Variants in TRAPPC3L observed in about 807,000 individuals in gnomAD.
TRAPPC3L encodes the protein trafficking protein particle complex subunit 3L.
TRAPPC3L carries 23 observed loss-of-function variants against 23.7 expected under a neutral mutation model. The observed-to-expected ratio is 0.97, with a 90% confidence interval of 0.70 to 1.37. The LOEUF (loss-of-function observed/expected upper bound fraction) is 1.37, where lower values mean the gene tolerates loss of function less well. Among genes scored for constraint, TRAPPC3L ranks in the 40% most tolerant of loss-of-function variants. The pLI is 0.00. For missense variants in TRAPPC3L, 212 were observed against 216.8 expected (o/e 0.98, Z 0.14); for synonymous variants, 81 against 77.9 (o/e 1.04, Z -0.21).
chr6:116,529,314 T>C (rs1009665045), intron 3 of TRAPPC3L: 1 of 152,244 alleles, frequency 6.6e-6, no homozygotes, highest in Non-Finnish European at 1.5e-5. Flanking sequence ...AGCTAATTTC[T>C]CAAATATCTA....
intron 2 of TRAPPC3L, among the ~76,000 whole-genome samples, chr6:116,542,258 T>C (rs1369784324): frequency 6.6e-6 from 1 of 152,126 alleles, no homozygotes; most frequent in Non-Finnish European, 1.5e-5. Flanking sequence ...TGGGCAGTTC[T>C]CTTCTTTGCG....
At chr6:116,526,222 A>G (rs1398539208) in intron 3 of TRAPPC3L, among the ~76,000 whole-genome samples, 2 of 152,238 alleles carry the variant, frequency 1.3e-5, no homozygotes, top group Non-Finnish European at 2.9e-5. Context: ...AAACTGTTCC[A>G]CTTTGATCAT....
At chr6:116,515,497 C>A (rs1772203824) in intron 3 of TRAPPC3L, 1 of 1,238,728 alleles carries the variant, frequency 8.1e-7, no homozygotes, top group Non-Finnish European at 1.1e-6. Flanking sequence ...TGAGGTATGT[C>A]AAAGACTGTG....
At chr6:116,514,818 T>C (rs1333461868) in intron 3 of TRAPPC3L, among the ~76,000 whole-genome samples, 1 of 152,230 alleles carries the variant, frequency 6.6e-6, no homozygotes, top group Non-Finnish European at 1.5e-5. Flanking sequence ...CTAAAGAATA[T>C]TAAGGATCAT....
chr6:116,509,922 A>G (rs1767622255), intron 3 of TRAPPC3L, among the ~76,000 whole-genome samples: 2 of 152,236 alleles, frequency 1.3e-5, no homozygotes, highest in African/African-American at 2.4e-5. Flanking sequence ...TTTGTAAACT[A>G]TGCATCTGAC....
At chr6:116,538,951 G>A (rs1011601722) in intron 3 of TRAPPC3L, among the ~76,000 whole-genome samples, 3 of 151,892 alleles carry the variant, frequency 2.0e-5, no homozygotes, top group South Asian at 2.1e-4. Flanking sequence ...GGCTGGTCTC[G>A]ATCTCTCCAT....
intron 3 of TRAPPC3L, among the ~76,000 whole-genome samples, chr6:116,535,084 C>T (rs2115208899): frequency 6.6e-6 from 1 of 152,300 alleles, no homozygotes; most frequent in Non-Finnish European, 1.5e-5. Context: ...TTGTCAGTAA[C>T]TAGAAGGTAT....
At chr6:116,527,472 G>A (rs1772471901) in intron 3 of TRAPPC3L, among the ~76,000 whole-genome samples, 2 of 135,768 alleles carry the variant, frequency 1.5e-5, no homozygotes, top group South Asian at 4.7e-4. Context: ...CCGACATCGA[G>A]CCACTGCACT....
At chr6:116,530,852 A>G (rs773516555) in intron 3 of TRAPPC3L, among the ~76,000 whole-genome samples, 4 of 146,092 alleles carry the variant, frequency 2.7e-5, no homozygotes, top group Non-Finnish European at 6.0e-5. Flanking sequence ...AAACACCAGC[A>G]TCAGTAACAT....
chr6:116,505,437 T>C (rs1334377625), intron 3 of TRAPPC3L, among the ~76,000 whole-genome samples: 4 of 152,230 alleles, frequency 2.6e-5, no homozygotes, highest in African/African-American at 4.8e-5. Flanking sequence ...AAAATGGCCA[T>C]ACTGCCCAAG....
chr6:116,531,041 C>T (rs548555818), intron 3 of TRAPPC3L, among the ~76,000 whole-genome samples: 88 of 151,212 alleles, frequency 5.8e-4, no homozygotes, highest in Middle Eastern at 3.4e-3. Flanking sequence ...AGATTCCCTT[C>T]CTGAGGGGCT....
intron 3 of TRAPPC3L, among the ~76,000 whole-genome samples, chr6:116,505,077 T>C (rs1348319632): frequency 7.9e-5 from 12 of 152,184 alleles, no homozygotes; most frequent in Admixed American, 7.9e-4. Flanking sequence ...GAAGTCAAAT[T>C]GTCTCTGTTT....
chr6:116,509,117 C>A (rs1434109980), intron 3 of TRAPPC3L, among the ~76,000 whole-genome samples: 1 of 139,504 alleles, frequency 7.2e-6, no homozygotes, highest in Admixed American at 7.4e-5. Context: ...AAAAAACCCA[C>A]CGATGAATAT....
At chr6:116,543,432 G>A (rs1205100987) in intron 1 of TRAPPC3L, 32 bp from the exon 2 acceptor site, 1 of 1,502,714 alleles carries the variant, frequency 6.7e-7, no homozygotes, top group African/African-American at 1.4e-5. Flanking sequence ...CTGGTTATAG[G>A]CAAGTTATGA....
chr6:116,543,745 T>C, intron 1 of TRAPPC3L: 1 of 1,285,888 alleles, frequency 7.8e-7, no homozygotes, highest in Non-Finnish European at 1.1e-6. Context: ...TTCTAAAATA[T>C]ATGCCATCCA....
intron 3 of TRAPPC3L, chr6:116,524,188 G>A (rs1267504686): frequency 1.3e-5 from 2 of 152,166 alleles, no homozygotes; most frequent in Non-Finnish European, 2.9e-5. Flanking sequence ...AGTTTAGGGA[G>A]AAAGCTGAAA....
At chr6:116,515,386 G>T (rs1227934877) in intron 3 of TRAPPC3L, among the ~76,000 whole-genome samples, 1 of 152,116 alleles carries the variant, frequency 6.6e-6, no homozygotes, top group Non-Finnish European at 1.5e-5. Flanking sequence ...TGTTGGGGAG[G>T]AGAATAGAGA....
intron 3 of TRAPPC3L, among the ~76,000 whole-genome samples, chr6:116,525,519 T>C (rs1772428099): frequency 6.6e-6 from 1 of 152,234 alleles, no homozygotes; most frequent in African/African-American, 2.4e-5. Flanking sequence ...CCCCAAACTT[T>C]AATTTTTATA....
intron 4 of TRAPPC3L, among the ~76,000 whole-genome samples, chr6:116,499,795 G>A (rs181366782): frequency 1.3e-5 from 2 of 152,148 alleles, no homozygotes; most frequent in Admixed American, 6.5e-5. Context: ...CCTGCCACAC[G>A]TCCTCTCATA....
Sources: allele counts gnomAD v4.1 joint callset (sites outside exome capture counted in the v4.1 genomes callset), GRCh38; gene constraint gnomAD v4.1.1; transcripts MANE v1.5; gene names NCBI Gene and HGNC (gene_info 2026-07-23, HGNC 2026-07-21).